Variants in ASIC2 observed in about 807,000 individuals in gnomAD.
ASIC2 encodes acid-sensing ion channel 2.
A neutral mutation model predicts 57.3 loss-of-function variants in ASIC2; 25 were observed. The ratio of observed to expected loss-of-function variants is 0.44; its 90% CI spans 0.32 to 0.61. ASIC2 has a LOEUF of 0.61. Ranked by LOEUF, ASIC2 falls within the 20% of genes least tolerant of loss-of-function variation. The pLI, the probability that ASIC2 is intolerant of heterozygous loss-of-function variation, is 0.06. For synonymous variants in ASIC2, 319 were observed against 307.5 expected, an observed-to-expected ratio of 1.04 and a Z score of -0.39; for missense variants, 641 against 738.1, an observed-to-expected ratio of 0.87 and a Z score of 1.52.
chr17:33,044,292 A>G (rs1274729961), intron 3 of ASIC2, among the ~76,000 whole-genome samples: 3 of 151,524 alleles, frequency 2.0e-5, no homozygotes, highest in Non-Finnish European at 2.9e-5. Context: ...CCATCCATCC[A>G]TCCATCCATC....
At chr17:33,487,904 G>A (rs1457508962) in intron 1 of ASIC2, among the ~76,000 whole-genome samples, 1 of 152,200 alleles carries the variant, frequency 6.6e-6, no homozygotes, top group Non-Finnish European at 1.5e-5. Context: ...AAAGACTGAA[G>A]GATGCACTGT....
At chr17:34,134,281 C>T (rs986913025) in intron 1 of ASIC2, among the ~76,000 whole-genome samples, 6 of 152,214 alleles carry the variant, frequency 3.9e-5, no homozygotes. Context: ...TCTGTGACCG[C>T]CCTATCACCC....
chr17:33,967,833 G>A (rs1305780857), intron 1 of ASIC2, among the ~76,000 whole-genome samples: 1 of 152,200 alleles, frequency 6.6e-6, no homozygotes, highest in Non-Finnish European at 1.5e-5. Context: ...GACAAGATGT[G>A]TAGTTGCACA....
intron 1 of ASIC2, among the ~76,000 whole-genome samples, chr17:33,202,012 T>C (rs1480245466): frequency 2.3e-5 from 2 of 86,664 alleles, no homozygotes; most frequent in Non-Finnish European, 4.1e-5. Context: ...ACGGTGAGAC[T>C]GTCTCAAAAA....
At chr17:33,659,706 T>TA (rs1221499418) in intron 1 of ASIC2, among the ~76,000 whole-genome samples, 2 of 151,516 alleles carry the variant, frequency 1.3e-5, no homozygotes, top group Non-Finnish European at 2.9e-5. Flanking sequence ...CCATCTCTAC[T>TA]AAAAAAATAC....
At chr17:33,530,902 A>G (rs1363361415) in intron 1 of ASIC2, among the ~76,000 whole-genome samples, 1 of 152,174 alleles carries the variant, frequency 6.6e-6, no homozygotes, top group African/African-American at 2.4e-5. Context: ...TTTTCTGTAC[A>G]TTGTTCCATT....
At chr17:33,476,115 A>G (rs1335926770) in intron 1 of ASIC2, among the ~76,000 whole-genome samples, 1 of 152,202 alleles carries the variant, frequency 6.6e-6, no homozygotes, top group Non-Finnish European at 1.5e-5. Context: ...ACGCTTAAGT[A>G]TGTGGCACAG....
At chr17:33,906,850 T>C (rs1228578941) in intron 1 of ASIC2, among the ~76,000 whole-genome samples, 1 of 152,210 alleles carries the variant, frequency 6.6e-6, no homozygotes, top group Non-Finnish European at 1.5e-5. Flanking sequence ...AAGTCATGGA[T>C]AGACTGACTT....
chr17:33,923,081 A>G (rs1915742545), intron 1 of ASIC2, among the ~76,000 whole-genome samples: 1 of 152,212 alleles, frequency 6.6e-6, no homozygotes, highest in African/African-American at 2.4e-5. Flanking sequence ...ACAGGAAAGC[A>G]AGAGCACATG....
At chr17:33,198,344 C>G (rs191238288) in intron 1 of ASIC2, among the ~76,000 whole-genome samples, 3 of 152,160 alleles carry the variant, frequency 2.0e-5, no homozygotes, top group African/African-American at 7.2e-5. Context: ...AATGTGAGAC[C>G]CTGTTTCAAA....
chr17:33,840,452 C>T (rs914063711), intron 1 of ASIC2, among the ~76,000 whole-genome samples: 4 of 152,108 alleles, frequency 2.6e-5, no homozygotes, highest in African/African-American at 2.4e-5. Context: ...TGTACAGCAC[C>T]GTATACTCTG....
chr17:33,858,845 T>C (rs1453461979), intron 1 of ASIC2, among the ~76,000 whole-genome samples: 1 of 152,236 alleles, frequency 6.6e-6, no homozygotes, highest in African/African-American at 2.4e-5. Context: ...AGATGTGTAC[T>C]GTGGTTGTAG....
At chr17:33,293,599 G>T (rs1439501990), upstream of ASIC2, among the ~76,000 whole-genome samples, 1 of 152,188 alleles carries the variant, frequency 6.6e-6, no homozygotes, top group African/African-American at 2.4e-5. Flanking sequence ...TGTGAGATGG[G>T]CTGTAGAGAG....
chr17:33,851,564 G>A (rs1012257304), intron 1 of ASIC2, among the ~76,000 whole-genome samples: 9 of 152,186 alleles, frequency 5.9e-5, no homozygotes, highest in African/African-American at 1.7e-4. Flanking sequence ...TCTTGCTTCC[G>A]CTTATTCTAG....
At chr17:33,871,439 C>T (rs1221900089) in intron 1 of ASIC2, among the ~76,000 whole-genome samples, 1 of 152,214 alleles carries the variant, frequency 6.6e-6, no homozygotes, top group Non-Finnish European at 1.5e-5. Context: ...CCTCCTTCTC[C>T]CTGCTCATCT....
intron 1 of ASIC2, among the ~76,000 whole-genome samples, chr17:33,776,626 G>A (rs553591794): frequency 1.8e-4 from 28 of 152,206 alleles, no homozygotes; most frequent in Admixed American, 1.7e-3. Context: ...TCTGTGAATC[G>A]AGGCCAAAGG....
At chr17:33,181,610 T>C (rs1405274889) in intron 1 of ASIC2, among the ~76,000 whole-genome samples, 7 of 152,176 alleles carry the variant, frequency 4.6e-5, no homozygotes, top group African/African-American at 1.7e-4. Flanking sequence ...CCTTCTGCCT[T>C]GCATCTCAAA....
At chr17:33,375,694 G>A (rs1909251362) in intron 1 of ASIC2, among the ~76,000 whole-genome samples, 1 of 152,156 alleles carries the variant, frequency 6.6e-6, no homozygotes, top group Admixed American at 6.5e-5. Context: ...CCTGAACCCT[G>A]GTGGATGCAG....
intron 1 of ASIC2, among the ~76,000 whole-genome samples, chr17:33,209,080 T>A (rs1315057464): frequency 6.6e-6 from 1 of 152,172 alleles, no homozygotes; most frequent in Non-Finnish European, 1.5e-5. Flanking sequence ...TGGCCCAAGA[T>A]CACTCTTAGA....
Sources: gnomAD v4.1 joint callset for allele counts (sites outside exome capture counted in the v4.1 genomes callset) on GRCh38, gnomAD v4.1.1 for gene constraint, MANE v1.5 for transcripts, NCBI Gene and HGNC (gene_info 2026-07-23, HGNC 2026-07-21) for gene names.